MBOAT2: variants seen among roughly 807,000 people sequenced by gnomAD.
MBOAT2 encodes membrane-bound glycerophospholipid O-acyltransferase 2.
In MBOAT2, 28 loss-of-function variants were observed where a neutral mutation model predicts 63.4. The observed-to-expected ratio is 0.44, with a 90% CI of 0.33 to 0.61. MBOAT2 has a LOEUF of 0.61. MBOAT2 is among the 20% of genes least tolerant of loss of function. MBOAT2 has a pLI of 0.03. For missense variants in MBOAT2, 470 were observed against 605.8 expected (o/e 0.78, Z 2.35); for synonymous variants, 211 against 215.6 (o/e 0.98, Z 0.19).
chr2:8,975,665 G>A (rs1347332393), intron 1 of MBOAT2, among the ~76,000 whole-genome samples: 8 of 151,934 alleles, frequency 5.3e-5, no homozygotes, highest in Middle Eastern at 3.2e-3. Context: ...TACATGAAGC[G>A]TAAGGACACA....
chr2:8,916,985 T>C (rs1666228894), intron 3 of MBOAT2, among the ~76,000 whole-genome samples: 1 of 151,840 alleles, frequency 6.6e-6, no homozygotes, highest in South Asian at 2.1e-4. Context: ...GAATAAAGAG[T>C]ACAGAAATAA....
intron 1 of MBOAT2, among the ~76,000 whole-genome samples, chr2:8,997,390 CAA>C (rs1383253859): frequency 6.6e-6 from 1 of 152,132 alleles, no homozygotes; most frequent in African/African-American, 2.4e-5. Context: ...AGCAGGGAGA[CAA>C]AGAGCTCTTG....
intron 4 of MBOAT2, among the ~76,000 whole-genome samples, chr2:8,891,651 G>A (rs753288651): frequency 2.0e-5 from 3 of 152,166 alleles, no homozygotes; most frequent in Non-Finnish European, 4.4e-5. Flanking sequence ...TGGAGCTTCA[G>A]TATCTAACCA....
chr2:8,995,617 G>C (rs1272955513), intron 1 of MBOAT2, among the ~76,000 whole-genome samples: 1 of 141,024 alleles, frequency 7.1e-6, no homozygotes, highest in Non-Finnish European at 1.5e-5. Context: ...TTGAGACGGA[G>C]TCTCGCTCTG....
intron 3 of MBOAT2, among the ~76,000 whole-genome samples, chr2:8,910,076 G>T (rs887148498): frequency 4.6e-5 from 7 of 152,106 alleles, no homozygotes; most frequent in Admixed American, 1.3e-4. Flanking sequence ...TCTACTTTTT[G>T]CCTTTTAGAA....
chr2:8,901,407 G>A (rs772967610), intron 4 of MBOAT2, among the ~76,000 whole-genome samples: 14 of 151,922 alleles, frequency 9.2e-5, no homozygotes, highest in South Asian at 4.2e-4. Flanking sequence ...AAGGAGGACC[G>A]AGAAAAATTG....
chr2:8,894,861 C>T (rs990975729), intron 4 of MBOAT2, among the ~76,000 whole-genome samples: 1 of 150,910 alleles, frequency 6.6e-6, no homozygotes, highest in Admixed American at 6.6e-5. Context: ...CTCTTAAAGG[C>T]GGCACGTCTG....
chr2:8,859,334 A>G (rs1365128127), intron 12 of MBOAT2, among the ~76,000 whole-genome samples: 1 of 152,214 alleles, frequency 6.6e-6, no homozygotes, highest in Admixed American at 6.5e-5. Flanking sequence ...TAAGTTACAA[A>G]TATTCTAACG....
chr2:8,975,096 TTACC>T (rs1670725580), intron 1 of MBOAT2, among the ~76,000 whole-genome samples: 1 of 151,990 alleles, frequency 6.6e-6, no homozygotes, highest in African/African-American at 2.4e-5. Context: ...AATCTACAGA[TTACC>T]TAGAAAGAAT....
chr2:8,983,553 G>A (rs147705690), intron 1 of MBOAT2, among the ~76,000 whole-genome samples: 1 of 152,302 alleles, frequency 6.6e-6, no homozygotes, highest in African/African-American at 2.4e-5. Flanking sequence ...AATAAAGGGA[G>A]TGTTCCAGAC....
At chr2:8,865,028 G>A (rs564705866) in intron 9 of MBOAT2, among the ~76,000 whole-genome samples, 1 of 151,998 alleles carries the variant, frequency 6.6e-6, no homozygotes, top group Admixed American at 6.6e-5. Context: ...TTCCCCACTG[G>A]TAACATTTGT....
chr2:8,912,204 C>T (rs1049961448), intron 3 of MBOAT2, among the ~76,000 whole-genome samples: 1 of 151,412 alleles, frequency 6.6e-6, no homozygotes, highest in Non-Finnish European at 1.5e-5. Flanking sequence ...CCATTCTCCA[C>T]ACTCCTCTTC....
chr2:8,873,778 C>A (rs1431133549), intron 7 of MBOAT2, among the ~76,000 whole-genome samples: 1 of 152,118 alleles, frequency 6.6e-6, no homozygotes, highest in Non-Finnish European at 1.5e-5. Flanking sequence ...AAAGTTAACA[C>A]AACTTTGTTC....
At chr2:8,903,671 T>C (rs898251250) in intron 4 of MBOAT2, among the ~76,000 whole-genome samples, 1 of 152,224 alleles carries the variant, frequency 6.6e-6, no homozygotes, top group African/African-American at 2.4e-5. Flanking sequence ...ACAGCCTAGC[T>C]TTCCCCACGG....
At chr2:8,869,555 T>G (rs1662163225) in intron 8 of MBOAT2, among the ~76,000 whole-genome samples, 1 of 152,204 alleles carries the variant, frequency 6.6e-6, no homozygotes, top group African/African-American at 2.4e-5. Context: ...TACAGACATG[T>G]ATCCTTAAAT....
At chr2:8,976,606 C>T (rs989853060) in intron 1 of MBOAT2, among the ~76,000 whole-genome samples, 6 of 152,252 alleles carry the variant, frequency 3.9e-5, no homozygotes, top group African/African-American at 1.2e-4. Context: ...AATGAGAAGC[C>T]AAGCAGCCCA....
chr2:8,892,208 T>C (rs1664055276), intron 4 of MBOAT2, among the ~76,000 whole-genome samples: 1 of 152,218 alleles, frequency 6.6e-6, no homozygotes, highest in South Asian at 2.1e-4. Context: ...AGTCTGTATA[T>C]TAATGCTACA....
chr2:8,986,851 C>G (rs1423397040), intron 1 of MBOAT2, among the ~76,000 whole-genome samples: 1 of 152,160 alleles, frequency 6.6e-6, no homozygotes, highest in African/African-American at 2.4e-5. Flanking sequence ...AGCACACCCC[C>G]AAGTGGTGGC....
At chr2:8,896,908 C>CCT (rs200990919) in intron 4 of MBOAT2, among the ~76,000 whole-genome samples, 15,778 of 152,174 alleles carry the variant, frequency 0.1, 955 homozygotes, top group African/African-American at 0.17. Context: ...ATTTAGATCC[C>CCT]GTTAGGAAAC....
Sources: gnomAD v4.1 joint callset for allele counts (sites outside exome capture counted in the v4.1 genomes callset) on GRCh38, gnomAD v4.1.1 for gene constraint, MANE v1.5 for transcripts, NCBI Gene and HGNC (gene_info 2026-07-23, HGNC 2026-07-21) for gene names.